Variants in FHIT observed in about 807,000 individuals in gnomAD.
FHIT encodes the protein fragile histidine triad diadenosine triphosphatase.
Under a neutral mutation model 17.9 loss-of-function variants are expected in FHIT, and 19 were observed. The ratio of observed to expected loss-of-function variants is 1.06; its 90% CI spans 0.74 to 1.56. The LOEUF is 1.56. Among genes scored for constraint, FHIT ranks in the 40% most tolerant of loss-of-function variants. The pLI is 0.00. For synonymous variants in FHIT, 81 were observed against 69.7 expected, an observed-to-expected ratio of 1.16 and a Z score of -0.81; for missense variants, 248 against 189.2, an observed-to-expected ratio of 1.31 and a Z score of -1.82.
At chr3:60,780,708 C>T (rs1165734534) in intron 4 of FHIT, among the ~76,000 whole-genome samples, 15 of 152,154 alleles carry the variant, frequency 9.9e-5, no homozygotes, top group Admixed American at 9.8e-4. Context: ...CATCCTTATC[C>T]TTAATCTAAA....
At chr3:60,967,710 C>T (rs1709814298) in intron 3 of FHIT, among the ~76,000 whole-genome samples, 1 of 152,092 alleles carries the variant, frequency 6.6e-6, no homozygotes, top group Non-Finnish European at 1.5e-5. Context: ...AATAGTTTCA[C>T]TGTTTAATAA....
In FHIT at chr3:61,250,324, C is replaced by T. The variant is rs370892154; in HGVS notation, c.-213+977G>A. ...TAACATCAGGTGCGAGTAGGGACCA[C>T]CCTTGGTAGTCTGGGCCCGGCCCAG... On this transcript the variant is annotated intron_variant, in intron 1 of 9. Transcript: ENST00000492590. Among the ~76,000 whole-genome samples the T allele has an allele frequency of 1.9e-4, 29 of 152,346 alleles. No individual in the cohort carries two copies. In the East Asian group the frequency reaches 2.1e-3, roughly 11 times the overall value.
intron 5 of FHIT, among the ~76,000 whole-genome samples, chr3:60,514,011 C>CA (rs2035049601): frequency 6.6e-6 from 1 of 152,168 alleles, no homozygotes; most frequent in Non-Finnish European, 1.5e-5. Flanking sequence ...TGGCCAGGGA[C>CA]AGCCTTACTC....
At chr3:60,207,775 GA>G (rs1267637452) in intron 5 of FHIT, among the ~76,000 whole-genome samples, 8 of 152,284 alleles carry the variant, frequency 5.3e-5, no homozygotes, top group African/African-American at 1.9e-4. Context: ...GAGAATGTGT[GA>G]AAAATCTATA....
chr3:60,326,119 G>A (rs1434897117), intron 5 of FHIT, among the ~76,000 whole-genome samples: 2 of 152,110 alleles, frequency 1.3e-5, no homozygotes, highest in East Asian at 3.9e-4. Flanking sequence ...TTTCATGGAA[G>A]ACAATTTTTC....
chr3:60,071,900 C>T (rs545728259), intron 5 of FHIT, among the ~76,000 whole-genome samples: 1 of 152,206 alleles, frequency 6.6e-6, no homozygotes, highest in Admixed American at 6.5e-5. Context: ...CCCCTCTACA[C>T]AAGCCCTCTT....
intron 2 of FHIT, among the ~76,000 whole-genome samples, chr3:61,184,911 C>A (rs1376236570): frequency 6.6e-6 from 1 of 152,156 alleles, no homozygotes; most frequent in African/African-American, 2.4e-5. Context: ...AATCTAAGAA[C>A]TCTAGAAAGA....
At chr3:61,210,048 C>G (rs2039405517) in intron 1 of FHIT, among the ~76,000 whole-genome samples, 1 of 152,238 alleles carries the variant, frequency 6.6e-6, no homozygotes, top group African/African-American at 2.4e-5. Flanking sequence ...TGCTCAGCTG[C>G]AGGTCTGTTG....
intron 4 of FHIT, among the ~76,000 whole-genome samples, chr3:60,630,942 A>C (rs1228645867): frequency 3.9e-5 from 4 of 103,532 alleles, no homozygotes; most frequent in African/African-American, 1.4e-4. Flanking sequence ...ATTAAAAAAA[A>C]AAAAAAAAAA....
At chr3:59,848,166 G>A (rs1701792136) in intron 8 of FHIT, among the ~76,000 whole-genome samples, 1 of 152,212 alleles carries the variant, frequency 6.6e-6, no homozygotes, top group Non-Finnish European at 1.5e-5. Context: ...ATGCACAGCT[G>A]CCTGCCATGG....
At chr3:60,959,543 A>G (rs1183438665) in intron 3 of FHIT, among the ~76,000 whole-genome samples, 2 of 152,184 alleles carry the variant, frequency 1.3e-5, no homozygotes, top group Non-Finnish European at 2.9e-5. Flanking sequence ...GTGAGGAAAT[A>G]GTAATGCAGA....
intron 8 of FHIT, among the ~76,000 whole-genome samples, chr3:59,817,028 C>G (rs1434161096): frequency 6.6e-6 from 1 of 152,104 alleles, no homozygotes; most frequent in South Asian, 2.1e-4. Context: ...TCCCAGGGAG[C>G]AGGTAGAAGC....
intron 3 of FHIT, among the ~76,000 whole-genome samples, chr3:60,927,670 G>A (rs1486163518): frequency 3.3e-5 from 5 of 151,472 alleles, no homozygotes; most frequent in Non-Finnish European, 2.9e-5. Context: ...CTGCCTGGCC[G>A]CCACCCCGTC....
chr3:60,787,066 T>G (rs1452762563), intron 4 of FHIT, among the ~76,000 whole-genome samples: 10 of 152,072 alleles, frequency 6.6e-5, no homozygotes, highest in African/African-American at 2.4e-4. Flanking sequence ...CTTAAATATT[T>G]TACTCCTTAT....
At chr3:60,630,096 A>T (rs1290241687) in intron 4 of FHIT, among the ~76,000 whole-genome samples, 2 of 152,090 alleles carry the variant, frequency 1.3e-5, no homozygotes, top group Non-Finnish European at 2.9e-5. Context: ...TCAAACAGGA[A>T]CCCTACCTGA....
intron 4 of FHIT, among the ~76,000 whole-genome samples, chr3:60,641,422 T>C (rs1490986407): frequency 6.6e-6 from 1 of 152,152 alleles, no homozygotes; most frequent in Non-Finnish European, 1.5e-5. Flanking sequence ...TCTTTGCACT[T>C]TGAAGATTAA....
At chr3:60,439,672 T>G in intron 5 of FHIT, among the ~76,000 whole-genome samples, 1 of 152,032 alleles carries the variant, frequency 6.6e-6, no homozygotes, top group East Asian at 1.9e-4. Context: ...TAACACTCAC[T>G]TCTCTCTGGG....
chr3:60,253,577 A>C (rs1705835789), intron 5 of FHIT, among the ~76,000 whole-genome samples: 1 of 152,198 alleles, frequency 6.6e-6, no homozygotes, highest in African/African-American at 2.4e-5. Context: ...TGATTTTCTC[A>C]TTTGTATTCT....
chr3:60,179,565 AT>A (rs202238333), intron 5 of FHIT, among the ~76,000 whole-genome samples: 2 of 151,310 alleles, frequency 1.3e-5, no homozygotes, highest in South Asian at 2.1e-4. Flanking sequence ...AGGATGTGCC[AT>A]TTTTTTTTAA....
Sources: allele counts gnomAD v4.1 joint callset (sites outside exome capture counted in the v4.1 genomes callset), GRCh38; gene constraint gnomAD v4.1.1; transcripts MANE v1.5; gene names NCBI Gene and HGNC (gene_info 2026-07-23, HGNC 2026-07-21).